The following FSTL4 variants were observed in gnomAD, a reference collection of about 807,000 sequenced individuals.
The protein encoded by FSTL4 is follistatin-related protein 4.
In FSTL4, 28 loss-of-function variants were observed where a neutral mutation model predicts 78.2. The observed-to-expected ratio is 0.36, with a 90% CI of 0.27 to 0.49. The LOEUF is 0.49. FSTL4 is among the 20% of genes least tolerant of loss of function. The pLI, the probability that FSTL4 is intolerant of heterozygous loss-of-function variation, is 0.98. For synonymous variants in FSTL4, 422 were observed against 440.5 expected (o/e 0.96, Z 0.53); for missense variants, 922 against 1,084.9 (o/e 0.85, Z 2.11).
At chr5:133,780,076 CAGG>C in the FSTL4 span, among the ~76,000 whole-genome samples, 1 of 152,140 alleles carries the variant, frequency 6.6e-6, no homozygotes, top group African/African-American at 2.4e-5. Context: ...AGAGGGCTCG[CAGG>C]TGCACACCCA....
At chr5:133,341,272 G>A (rs9687283) in intron 4 of FSTL4, among the ~76,000 whole-genome samples, 9 of 137,114 alleles carry the variant, frequency 6.6e-5, no homozygotes, top group South Asian at 2.3e-4. Context: ...AAAAAAAAAC[G>A]TGTGCAGGAA....
At chr5:133,783,289 C>T in the FSTL4 span, among the ~76,000 whole-genome samples, 221 of 152,296 alleles carry the variant, frequency 1.5e-3, 1 homozygote, top group African/African-American at 5.1e-3. Context: ...CAACCAAACA[C>T]GATCCTGCTC....
At chr5:133,288,153 A>G (rs962587091) in intron 6 of FSTL4, among the ~76,000 whole-genome samples, 1 of 152,260 alleles carries the variant, frequency 6.6e-6, no homozygotes, top group African/African-American at 2.4e-5. Context: ...TATTATTTTA[A>G]AAAATGATTA....
the FSTL4 span, among the ~76,000 whole-genome samples, chr5:133,822,667 A>G: frequency 6.6e-6 from 1 of 152,222 alleles, no homozygotes; most frequent in South Asian, 2.1e-4. Flanking sequence ...ACACGCACCG[A>G]TGCTCCTGGA....
chr5:133,743,762 A>G, the FSTL4 span, among the ~76,000 whole-genome samples: 2 of 152,170 alleles, frequency 1.3e-5, no homozygotes, highest in African/African-American at 2.4e-5. Flanking sequence ...ATGAATATTC[A>G]TTGCCTGCCT....
intron 6 of FSTL4, among the ~76,000 whole-genome samples, chr5:133,267,347 G>A (rs1198934010): frequency 5.3e-5 from 8 of 152,180 alleles, no homozygotes; most frequent in African/African-American, 1.9e-4. Context: ...CCCATGAGAG[G>A]GCCTGGGGCT....
intron 3 of FSTL4, among the ~76,000 whole-genome samples, chr5:133,437,827 T>C (rs1376364189): frequency 6.6e-6 from 1 of 152,056 alleles, no homozygotes; most frequent in African/African-American, 2.4e-5. Context: ...TTTGGAGTCT[T>C]TGCATTGTCA....
At chr5:133,827,492 G>A in the FSTL4 span, among the ~76,000 whole-genome samples, 2 of 152,104 alleles carry the variant, frequency 1.3e-5, no homozygotes, top group Admixed American at 6.5e-5. Context: ...CTGACGAGGA[G>A]GATTGATTTC....
At chr5:133,476,486 G>C (rs960621536) in intron 3 of FSTL4, among the ~76,000 whole-genome samples, 3 of 152,166 alleles carry the variant, frequency 2.0e-5, no homozygotes, top group African/African-American at 4.8e-5. Context: ...AACAAAGTTT[G>C]TTCCTCCAAT....
intron 3 of FSTL4, among the ~76,000 whole-genome samples, chr5:133,414,934 A>G (rs955894212): frequency 3.9e-5 from 6 of 152,228 alleles, no homozygotes; most frequent in Admixed American, 3.9e-4. Context: ...AAGCCTATTA[A>G]TGGGATACAA....
the FSTL4 span, among the ~76,000 whole-genome samples, chr5:133,753,971 A>G: frequency 1.3e-5 from 2 of 152,192 alleles, no homozygotes; most frequent in South Asian, 2.1e-4. Context: ...GGAGATTGCA[A>G]TAAGAAAATG....
At chr5:133,513,907 G>T (rs1003925024) in intron 3 of FSTL4, among the ~76,000 whole-genome samples, 1 of 152,082 alleles carries the variant, frequency 6.6e-6, no homozygotes, top group Non-Finnish European at 1.5e-5. Flanking sequence ...GGCCGGGCGC[G>T]GTGGCTCATG....
chr5:133,288,995 A>G (rs1042365423), intron 6 of FSTL4, among the ~76,000 whole-genome samples: 12 of 152,254 alleles, frequency 7.9e-5, no homozygotes, highest in African/African-American at 2.4e-4. Flanking sequence ...GCCTGGGCTC[A>G]GAGGCACAGC....
At chr5:133,768,139 G>T in the FSTL4 span, among the ~76,000 whole-genome samples, 1 of 152,152 alleles carries the variant, frequency 6.6e-6, no homozygotes, top group Non-Finnish European at 1.5e-5. Context: ...CTACACGAAG[G>T]TATTCCTCCT....
chr5:133,241,498 C>T (rs1751872578), intron 7 of FSTL4, among the ~76,000 whole-genome samples: 1 of 152,210 alleles, frequency 6.6e-6, no homozygotes, highest in African/African-American at 2.4e-5. Context: ...AGACATTGCT[C>T]TGAGCCCTCC....
the FSTL4 span, among the ~76,000 whole-genome samples, chr5:133,814,110 C>G: frequency 6.6e-6 from 1 of 152,234 alleles, no homozygotes; most frequent in Non-Finnish European, 1.5e-5. Context: ...AGTAAGAACA[C>G]AAAACCTGAC....
the FSTL4 span, among the ~76,000 whole-genome samples, chr5:133,758,247 G>C: frequency 2.0e-5 from 3 of 152,076 alleles, no homozygotes; most frequent in African/African-American, 7.2e-5. Flanking sequence ...AATTGAACTA[G>C]GAAGGTTGAG....
At chr5:133,622,253 G>C in the FSTL4 span, among the ~76,000 whole-genome samples, 1 of 152,166 alleles carries the variant, frequency 6.6e-6, no homozygotes, top group East Asian at 1.9e-4. Flanking sequence ...GTATGACTGA[G>C]TAGTATTCCA....
chr5:133,840,125 C>G, the FSTL4 span, among the ~76,000 whole-genome samples: 1 of 152,068 alleles, frequency 6.6e-6, no homozygotes. Flanking sequence ...TCATTACAGG[C>G]ATTGCTGCCT....
Sources: gnomAD v4.1 joint callset for allele counts (sites outside exome capture counted in the v4.1 genomes callset) on GRCh38, gnomAD v4.1.1 for gene constraint, MANE v1.5 for transcripts, NCBI Gene and HGNC (gene_info 2026-07-23, HGNC 2026-07-21) for gene names.